PIWIL1: variants seen among roughly 807,000 people sequenced by gnomAD.
PIWIL1 encodes piwi-like protein 1.
PIWIL1 carries 73 observed loss-of-function variants against 114.4 expected under a neutral mutation model. That is an observed-to-expected ratio of 0.64 (90% CI 0.53 to 0.78). The LOEUF (loss-of-function observed/expected upper bound fraction) is 0.78, where lower values mean the gene tolerates loss of function less well. Ranked by LOEUF, PIWIL1 falls within the 30% of genes least tolerant of loss-of-function variation. The probability of loss-of-function intolerance (pLI) is 0.00; values close to 1 mark genes in which losing one functional copy is unlikely to be tolerated. For synonymous variants in PIWIL1, 375 were observed against 369.0 expected (o/e 1.02, Z -0.19); for missense variants, 723 against 1,063.1 (o/e 0.68, Z 4.45).
chr12:130,354,730 C>G, intron 10 of PIWIL1, 67 bp downstream of exon 10: 3 of 1,523,614 alleles, frequency 2.0e-6, no homozygotes, highest in Non-Finnish European at 2.6e-6. Context: ...TAGGAGTCCT[C>G]AGACATTCCT....
At chr12:130,357,903 G>A (rs995989865) in intron 14 of PIWIL1, among the ~76,000 whole-genome samples, 5 of 152,304 alleles carry the variant, frequency 3.3e-5, no homozygotes, top group African/African-American at 1.2e-4. Flanking sequence ...GTATGATTGC[G>A]TAATTACATG....
chr12:130,410,436 G>A, the PIWIL1 span, among the ~76,000 whole-genome samples: 3 of 152,072 alleles, frequency 2.0e-5, no homozygotes, highest in East Asian at 1.9e-4. Flanking sequence ...CAAAGAAATC[G>A]TTGCCTGATT....
chr12:130,391,940 G>T, the PIWIL1 span, among the ~76,000 whole-genome samples: 1 of 100,254 alleles, frequency 1.0e-5, no homozygotes, highest in Non-Finnish European at 2.4e-5. Context: ...GTGATGACCC[G>T]GTCACTGTCA....
At chr12:130,344,458 A>G (rs2073014640) in intron 3 of PIWIL1, among the ~76,000 whole-genome samples, 1 of 152,366 alleles carries the variant, frequency 6.6e-6, no homozygotes, top group East Asian at 1.9e-4. Context: ...CGTGATATTT[A>G]AAACTTCTGA....
downstream of PIWIL1, among the ~76,000 whole-genome samples, chr12:130,375,626 T>C (rs1049323090): frequency 2.0e-5 from 3 of 152,206 alleles, no homozygotes; most frequent in African/African-American, 7.2e-5. Flanking sequence ...TCTCCTTGTT[T>C]CCCTGCTTTA....
At chr12:130,356,551 C>T (rs879707480) in intron 12 of PIWIL1, among the ~76,000 whole-genome samples, 1 of 152,110 alleles carries the variant, frequency 6.6e-6, no homozygotes, top group Non-Finnish European at 1.5e-5. Flanking sequence ...ACACCTCAGT[C>T]AAGTTGTTTT....
At chr12:130,370,921 G>T (rs1307286582) in intron 19 of PIWIL1, among the ~76,000 whole-genome samples, 4 of 152,186 alleles carry the variant, frequency 2.6e-5, no homozygotes, top group Admixed American at 1.3e-4. Context: ...GCTTGGTTCT[G>T]CTGGGAGGCA....
chr12:130,394,956 G>A, the PIWIL1 span, among the ~76,000 whole-genome samples: 1 of 152,160 alleles, frequency 6.6e-6, no homozygotes, highest in Non-Finnish European at 1.5e-5. Flanking sequence ...GCCTTTACAG[G>A]TCAGGATGAG....
At chr12:130,391,677 C>G in the PIWIL1 span, among the ~76,000 whole-genome samples, 208 of 152,280 alleles carry the variant, frequency 1.4e-3, 1 homozygote, top group African/African-American at 4.8e-3. Context: ...GGTAGGGAGG[C>G]TGGAGGCAGA....
intron 16 of PIWIL1, 81 bp downstream of exon 16, chr12:130,361,682 C>T (rs2073513233): frequency 6.7e-6 from 7 of 1,051,952 alleles, no homozygotes; most frequent in African/African-American, 3.2e-5. Context: ...GTTCATTCTT[C>T]GTTGTTATCC....
the PIWIL1 span, among the ~76,000 whole-genome samples, chr12:130,418,016 C>T: frequency 2.6e-5 from 4 of 152,024 alleles, no homozygotes; most frequent in African/African-American, 7.2e-5. Context: ...TGTCCCAGCA[C>T]GAGGAACACA....
intron 5 of PIWIL1, 37 bp from the exon 6 acceptor site, chr12:130,346,904 G>C: frequency 6.2e-7 from 1 of 1,600,274 alleles, no homozygotes; most frequent in Non-Finnish European, 8.5e-7. Flanking sequence ...GTCCTTTAAG[G>C]ATTTAAAGTT....
the PIWIL1 span, among the ~76,000 whole-genome samples, chr12:130,410,064 C>T: frequency 6.6e-6 from 1 of 152,366 alleles, no homozygotes; most frequent in Admixed American, 6.5e-5. Flanking sequence ...CGACGGCCAG[C>T]CGTTTTAATC....
At chr12:130,352,021 G>A (rs1214248651) in intron 9 of PIWIL1, among the ~76,000 whole-genome samples, 1 of 152,088 alleles carries the variant, frequency 6.6e-6, no homozygotes, top group Non-Finnish European at 1.5e-5. Context: ...ACATAGGGTT[G>A]TGTCCCCTCT....
chr12:130,371,346 GT>G, intron 20 of PIWIL1, 23 bp downstream of exon 20: 1 of 1,613,854 alleles, frequency 6.2e-7, no homozygotes, highest in South Asian at 1.1e-5. Flanking sequence ...ACTTGTTGAT[GT>G]TTAGCAAATA....
chr12:130,425,010 G>A, the PIWIL1 span: 49 of 425,892 alleles, frequency 1.2e-4, no homozygotes, highest in South Asian at 2.6e-4. Flanking sequence ...GGGGCATGCC[G>A]TGGAGGGCTC....
chr12:130,338,808 C>G (rs1284725777), intron 1 of PIWIL1, among the ~76,000 whole-genome samples: 1 of 82,380 alleles, frequency 1.2e-5, no homozygotes, highest in Non-Finnish European at 2.3e-5. Context: ...GGTGCGGGGC[C>G]GGGGGGAAGC....
At chr12:130,373,678 TAA>T (rs1168416347), downstream of PIWIL1, among the ~76,000 whole-genome samples, 3 of 152,276 alleles carry the variant, frequency 2.0e-5, no homozygotes, top group Non-Finnish European at 2.9e-5. Flanking sequence ...AACAGTCTAT[TAA>T]ACAAGTCCCA....
chr12:130,423,349 C>T, the PIWIL1 span, among the ~76,000 whole-genome samples: 9 of 152,200 alleles, frequency 5.9e-5, no homozygotes, highest in East Asian at 3.9e-4. Flanking sequence ...GTCACTGAGG[C>T]ACGGATCTCG....
Sources: gnomAD v4.1 joint callset for allele counts (sites outside exome capture counted in the v4.1 genomes callset) on GRCh38, gnomAD v4.1.1 for gene constraint, MANE v1.5 for transcripts, NCBI Gene and HGNC (gene_info 2026-07-23, HGNC 2026-07-21) for gene names.